The following ALS2 variants were observed in gnomAD, a reference collection of about 807,000 sequenced individuals.
The protein encoded by ALS2 is alsin.
In ALS2, 117 loss-of-function variants were observed where a neutral mutation model predicts 203.4. The observed-to-expected ratio is 0.58, with a 90% CI of 0.50 to 0.67. The LOEUF (loss-of-function observed/expected upper bound fraction) is 0.67. Among genes scored for constraint, ALS2 ranks in the 30% least tolerant of loss-of-function variants. The probability of loss-of-function intolerance (pLI) is 0.00; values close to 1 mark genes in which losing one functional copy is unlikely to be tolerated. For synonymous variants in ALS2, 718 were observed against 725.9 expected (o/e 0.99, Z 0.17); for missense variants, 1,715 against 1,989.4 (o/e 0.86, Z 2.62).
At chr2:201,719,938 A>C in intron 23 of ALS2, 1 of 251,590 alleles carries the variant, frequency 4.0e-6, no homozygotes, top group Non-Finnish European at 7.9e-6. Flanking sequence ...ATCTAAATAG[A>C]CCTAAGGCAA....
At chr2:201,729,288 G>A in intron 13 of ALS2, 105 bp from the exon 14 acceptor site, 4 of 1,338,208 alleles carry the variant, frequency 3.0e-6, no homozygotes, top group Non-Finnish European at 4.1e-6. Context: ...AAATGTAGGA[G>A]AAAATTCAGC....
At chr2:201,766,818 C>T (rs1189888016) in intron 3 of ALS2, among the ~76,000 whole-genome samples, 2 of 147,696 alleles carry the variant, frequency 1.4e-5, no homozygotes, top group Non-Finnish European at 3.0e-5. Flanking sequence ...TGGAAACCAT[C>T]GTTCTCAGCA....
At chr2:201,759,682 C>A in intron 4 of ALS2, 1 of 984,658 alleles carries the variant, frequency 1.0e-6, no homozygotes, top group Non-Finnish European at 1.2e-6. Flanking sequence ...CAAATACCCA[C>A]AAGTTTCAGT....
At chr2:201,745,536 C>G (rs147638126) in intron 9 of ALS2, among the ~76,000 whole-genome samples, 1 of 152,118 alleles carries the variant, frequency 6.6e-6, no homozygotes, top group African/African-American at 2.4e-5. Flanking sequence ...ATGTGAGTTA[C>G]TTTATGGGGA....
intron 25 of ALS2, among the ~76,000 whole-genome samples, chr2:201,711,310 G>A (rs980219431): frequency 2.0e-5 from 3 of 152,150 alleles, no homozygotes; most frequent in African/African-American, 7.2e-5. Flanking sequence ...ATCAGGTAGT[G>A]TTACTTTGTA....
intron 11 of ALS2, chr2:201,741,040 C>T (rs1447179958): frequency 6.5e-6 from 1 of 154,090 alleles, no homozygotes; most frequent in African/African-American, 2.4e-5. Flanking sequence ...AAAGCATAAC[C>T]TAACATACAT....
intron 14 of ALS2, 133 bp downstream of exon 14, chr2:201,728,919 C>CA: frequency 7.1e-7 from 1 of 1,412,664 alleles, no homozygotes; most frequent in Non-Finnish European, 1.0e-6. Flanking sequence ...TAGTATGGTC[C>CA]TTAGACATTT....
At chr2:201,737,908 C>T (rs1015488233) in intron 12 of ALS2, among the ~76,000 whole-genome samples, 9 of 151,180 alleles carry the variant, frequency 6.0e-5, no homozygotes, top group East Asian at 1.9e-4. Context: ...GATGACAGAG[C>T]GAGACCCCGT....
At position 201,704,619 on chromosome 2, in the gene ALS2, T is replaced by C; in HGVS notation, c.4689-16A>G. On this transcript the variant is annotated splice_polypyrimidine_tract_variant and intron_variant, in intron 31 of 33. Coordinates refer to ENST00000264276, the MANE Select transcript of ALS2 (RefSeq NM_020919.4). ...AAATGTTGTGCTGTTACAGAAACAA[T>C]GACAAAAAGACATCCTATAATTTTC... 1 of 1,613,940 alleles carries C rather than the reference T, an allele frequency of 6.2e-7. No homozygotes were observed. Among genetic ancestry groups the C allele is most frequent in the Non-Finnish European group, 8.5e-7 (1 of 1,179,890 alleles).
chr2:201,776,098 T>C (rs1694647590), intron 1 of ALS2, among the ~76,000 whole-genome samples: 2 of 152,188 alleles, frequency 1.3e-5, no homozygotes, highest in Admixed American at 6.5e-5. Context: ...GAAAAAAGTG[T>C]CTTCTCCTAA....
At chr2:201,778,484 T>C (rs1256067184) in intron 1 of ALS2, 1 of 151,980 alleles carries the variant, frequency 6.6e-6, no homozygotes, top group African/African-American at 2.4e-5. Context: ...CATCAAGACA[T>C]AAGCTAAAGA....
intron 8 of ALS2, among the ~76,000 whole-genome samples, chr2:201,748,287 C>CA (rs1468247378): frequency 3.9e-5 from 6 of 152,182 alleles, no homozygotes; most frequent in Admixed American, 2.6e-4. Context: ...TCAGGCGATC[C>CA]AAATAACGGA....
chr2:201,725,543 G>T, intron 19 of ALS2, 89 bp from the exon 20 acceptor site: 1 of 1,096,196 alleles, frequency 9.1e-7, no homozygotes, highest in Non-Finnish European at 1.4e-6. Flanking sequence ...ATTTTAACAA[G>T]GAAGACAGAG....
intron 25 of ALS2, among the ~76,000 whole-genome samples, chr2:201,711,861 CCTAA>C (rs72021739): frequency 0.89 from 135,676 of 151,790 alleles, 60,850 homozygotes; most frequent in East Asian, 0.98. Context: ...CTCAGAAACA[CCTAA>C]CTAACAACAG....
rs375415875 is a variant in ALS2 at position 201,767,260 on chromosome 2, G to T, written c.144C>A (p.Leu48=). 53 of 1,613,806 alleles carry T rather than the reference G, an allele frequency of 3.3e-5. No homozygotes were observed. Among genetic ancestry groups the T allele is most frequent in the Non-Finnish European group, 4.4e-5 (52 of 1,179,996 alleles). Residue 48 remains leucine, a synonymous_variant, in exon 3 of 34, where the codon CTC becomes CTA. Coordinates refer to ENST00000264276, the MANE Select transcript of ALS2 (RefSeq NM_020919.4). ...WGGKTVLQAA[L]GVKHGVLLTE... ...TCAGAAGAACTCCATGTTTCACTCC[G>T]AGGGCTGCCTGCAAAACAGTCTTTC...
Position 201,733,399 on chromosome 2 carries a change from C to G in ALS2, c.2457G>C (p.Leu819Phe). Residue 819 changes from leucine to phenylalanine, a missense_variant, in exon 13 of 34, where the codon TTG becomes TTC. Leu to Phe is a conservative substitution (Grantham distance 22). Around this residue, in one of 3 missense-constraint regions of ALS2, gnomAD observed 1,227 missense variants for 1,413.5 expected, o/e 0.87. Coordinates refer to ENST00000264276, the MANE Select transcript of ALS2 (RefSeq NM_020919.4). ...LNKNQELLQDLSEVNDENTQL... is the reference protein window; with the variant it reads ...LNKNQELLQDFSEVNDENTQL... ...GAGTGTTTTCGTCATTCACTTCTGA[C>G]AAATCTTGCAACAGCTCTTGGTTTT... is the stretch of plus-strand genomic sequence containing the variant. 6.2e-7 allele frequency: 1 copy of G among 1,613,592 alleles called. No individual in the cohort carries two copies. The highest frequency in any genetic ancestry group is 2.2e-5 in the East Asian group (1 of 44,810).
At chr2:201,756,856 C>A (rs1036161011) in intron 5 of ALS2, among the ~76,000 whole-genome samples, 5 of 152,152 alleles carry the variant, frequency 3.3e-5, no homozygotes, top group African/African-American at 1.2e-4. Context: ...AACAAGTTCC[C>A]AGATGCTGCT....
chr2:201,712,439 T>C (rs1029240661), intron 25 of ALS2, among the ~76,000 whole-genome samples: 4 of 152,240 alleles, frequency 2.6e-5, no homozygotes, highest in South Asian at 2.1e-4. Context: ...AATAAATGGA[T>C]ACTTGCTCAA....
chr2:201,763,394 G>C, intron 3 of ALS2: 1 of 214,388 alleles, frequency 4.7e-6, no homozygotes, highest in South Asian at 1.0e-4. Context: ...TGCCACCCTG[G>C]CCAACTTCAC....
Sources: allele counts gnomAD v4.1 joint callset (sites outside exome capture counted in the v4.1 genomes callset), GRCh38; gene constraint gnomAD v4.1.1; regional missense constraint gnomAD v4.1.1; transcripts MANE v1.5; gene names NCBI Gene and HGNC (gene_info 2026-07-23, HGNC 2026-07-21).